INPP4B: variants seen among roughly 807,000 people sequenced by gnomAD.
INPP4B encodes the protein inositol polyphosphate-4-phosphatase type II B.
Under a neutral mutation model 122.5 loss-of-function variants are expected in INPP4B, and 55 were observed. The observed-to-expected ratio is 0.45, with a 90% CI of 0.36 to 0.56. The LOEUF (loss-of-function observed/expected upper bound fraction) is 0.56. INPP4B is among the 20% of genes least tolerant of loss of function. INPP4B has a pLI of 0.00. For synonymous variants in INPP4B, 403 were observed against 388.7 expected, an observed-to-expected ratio of 1.04 and a Z score of -0.43; for missense variants, 1,000 against 1,097.7, an observed-to-expected ratio of 0.91 and a Z score of 1.26.
intron 2 of INPP4B, among the ~76,000 whole-genome samples, chr4:142,541,378 C>T (rs1277568584): frequency 6.6e-6 from 1 of 152,120 alleles, no homozygotes; most frequent in Non-Finnish European, 1.5e-5. Flanking sequence ...TAGCAAATGT[C>T]TGCAAGGGTT....
At chr4:142,576,527 T>C (rs1328505498) in intron 2 of INPP4B, among the ~76,000 whole-genome samples, 1 of 151,928 alleles carries the variant, frequency 6.6e-6, no homozygotes, top group Non-Finnish European at 1.5e-5. Context: ...AAATATCTAT[T>C]GACAATTGGA....
intron 2 of INPP4B, among the ~76,000 whole-genome samples, chr4:142,720,542 T>A (rs566090086): frequency 8.6e-5 from 13 of 151,850 alleles, no homozygotes; most frequent in African/African-American, 3.1e-4. Flanking sequence ...CTTTATATCA[T>A]CTCTAGATTA....
chr4:142,319,871 C>T lies in INPP4B; in HGVS notation c.373-5109G>A, dbSNP rs529217268. Reference sequence around the variant, plus strand: ...CCACAAACTTAGCTGCTTAAAACAACATCCATTTATTTGTTCACGGCTCTG... The same window carrying T: ...CCACAAACTTAGCTGCTTAAAACAATATCCATTTATTTGTTCACGGCTCTG... On this transcript the variant is annotated intron_variant, in intron 7 of 25. Coordinates refer to ENST00000262992, the MANE Select transcript of INPP4B (RefSeq NM_001101669.3). Among the ~76,000 whole-genome samples, 14 of 152,286 alleles carry T rather than the reference C, an allele frequency of 9.2e-5. No individual in the cohort carries two copies. The East Asian group carries it at 2.7e-3, about 29-fold the overall frequency.
intron 14 of INPP4B, among the ~76,000 whole-genome samples, chr4:142,202,948 T>A (rs183144967): frequency 6.6e-6 from 1 of 152,096 alleles, no homozygotes; most frequent in African/African-American, 2.4e-5. Flanking sequence ...TTACTGTATG[T>A]CTGATTTTTC....
chr4:142,156,158 C>A (rs1220691543), intron 17 of INPP4B, among the ~76,000 whole-genome samples: 1 of 151,730 alleles, frequency 6.6e-6, no homozygotes, highest in Non-Finnish European at 1.5e-5. Context: ...TGTCTAAATA[C>A]TAAGAATTGT....
intron 2 of INPP4B, among the ~76,000 whole-genome samples, chr4:142,658,075 G>A (rs572673338): frequency 1.2e-4 from 18 of 152,282 alleles, no homozygotes; most frequent in Non-Finnish European, 2.2e-4. Flanking sequence ...GATGTCTAAC[G>A]ATATGCTATC....
intron 2 of INPP4B, among the ~76,000 whole-genome samples, chr4:142,598,597 T>C (rs1481706683): frequency 6.6e-6 from 1 of 152,062 alleles, no homozygotes; most frequent in Non-Finnish European, 1.5e-5. Context: ...GTACTATTCC[T>C]CATGGAAATG....
intron 9 of INPP4B, among the ~76,000 whole-genome samples, chr4:142,291,436 T>A (rs947556526): frequency 1.5e-4 from 23 of 152,206 alleles, no homozygotes; most frequent in Middle Eastern, 3.2e-3. Flanking sequence ...TTATGGGTAA[T>A]GTACACGGCC....
Position 142,320,645 on chromosome 4 carries a change from C to A in INPP4B, c.373-5883G>T, listed in dbSNP as rs921185435. On this transcript the variant is annotated intron_variant, in intron 7 of 25. Coordinates refer to ENST00000262992, the MANE Select transcript of INPP4B (RefSeq NM_001101669.3). ...CCAATGTGTAGCCTTTAATCCCTCACCCCACTCCCACCCTTCCCCAAGTCC... is the reference window on the plus strand; with the variant it reads ...CCAATGTGTAGCCTTTAATCCCTCAACCCACTCCCACCCTTCCCCAAGTCC... Among the ~76,000 whole-genome samples the A allele has an allele frequency of 2.0e-5, 3 of 152,264 alleles. 1 individual carries two copies. The South Asian group carries it at 6.2e-4, about 32-fold the overall frequency.
chr4:142,253,026 A>G (rs1561629644), intron 11 of INPP4B, among the ~76,000 whole-genome samples: 3 of 152,338 alleles, frequency 2.0e-5, no homozygotes, highest in East Asian at 1.9e-4. Flanking sequence ...TACAATCTGT[A>G]TAGTATGTTA....
intron 25 of INPP4B, among the ~76,000 whole-genome samples, chr4:142,049,962 A>C (rs978147188): frequency 6.6e-6 from 1 of 152,012 alleles, no homozygotes; most frequent in Non-Finnish European, 1.5e-5. Context: ...CAGACACCAT[A>C]TCTCATTACT....
intron 1 of INPP4B, among the ~76,000 whole-genome samples, chr4:142,745,027 G>A (rs1768499843): frequency 6.6e-6 from 1 of 151,660 alleles, no homozygotes; most frequent in Admixed American, 6.6e-5. Context: ...TGGGAAATGG[G>A]AAGTAGAAAC....
intron 1 of INPP4B, among the ~76,000 whole-genome samples, chr4:142,802,889 G>A (rs1427035419): frequency 2.0e-5 from 3 of 151,944 alleles, no homozygotes; most frequent in African/African-American, 7.3e-5. Flanking sequence ...GAAACATCAG[G>A]CTGGGTGCGG....
At chr4:142,535,317 G>T (rs1473396316) in intron 2 of INPP4B, among the ~76,000 whole-genome samples, 1 of 152,160 alleles carries the variant, frequency 6.6e-6, no homozygotes, top group Non-Finnish European at 1.5e-5. Context: ...GCAGATAAAT[G>T]TCAACAATTT....
intron 7 of INPP4B, among the ~76,000 whole-genome samples, chr4:142,394,136 T>G (rs1391552223): frequency 2.0e-5 from 3 of 151,834 alleles, no homozygotes; most frequent in Non-Finnish European, 4.4e-5. Flanking sequence ...CTGTTTTGTG[T>G]GGTTTTTTTT....
At chr4:142,785,103 G>C (rs1250386059) in intron 1 of INPP4B, among the ~76,000 whole-genome samples, 1 of 152,084 alleles carries the variant, frequency 6.6e-6, no homozygotes, top group Non-Finnish European at 1.5e-5. Flanking sequence ...ACTCAAAAAG[G>C]AGTTCTCAGG....
chr4:142,534,659 T>C (rs1191919060), intron 2 of INPP4B, among the ~76,000 whole-genome samples: 4 of 150,474 alleles, frequency 2.7e-5, no homozygotes, highest in African/African-American at 9.7e-5. Flanking sequence ...AAATAGGATA[T>C]ATTATTAATA....
rs187873299 is a variant in INPP4B, at chr4:142,336,657, C to T, written c.373-21895G>A. Among the ~76,000 whole-genome samples, 21 of 152,350 alleles carry T rather than the reference C, an allele frequency of 1.4e-4. No individual in the cohort carries two copies. In the East Asian group the frequency reaches 3.5e-3, roughly 25 times the overall value. ...TGGGCATGGCTGTGATTCCCCTCCTCGTCCAGATGCTGGTGCCCAAGGCGG... is the reference window on the plus strand; with the variant it reads ...TGGGCATGGCTGTGATTCCCCTCCTTGTCCAGATGCTGGTGCCCAAGGCGG... On this transcript the variant is annotated intron_variant, in intron 7 of 25. Transcript: ENST00000262992.
At chr4:142,241,234 T>G (rs1052362505) in intron 11 of INPP4B, among the ~76,000 whole-genome samples, 3 of 152,192 alleles carry the variant, frequency 2.0e-5, no homozygotes, top group African/African-American at 7.2e-5. Context: ...ATCTTCATTT[T>G]TTTTTTACTG....
Sources: allele counts gnomAD v4.1 joint callset (sites outside exome capture counted in the v4.1 genomes callset), GRCh38; gene constraint gnomAD v4.1.1; transcripts MANE v1.5; gene names NCBI Gene and HGNC (gene_info 2026-07-23, HGNC 2026-07-21).